Variants in KCNIP1 observed in about 807,000 individuals in gnomAD.
The protein encoded by KCNIP1 is potassium voltage-gated channel interacting protein 1, also known as A-type potassium channel modulatory protein KCNIP1.
In KCNIP1, 18 loss-of-function variants were observed where a neutral mutation model predicts 33.0. That is an observed-to-expected ratio of 0.55 (90% CI 0.38 to 0.81). The LOEUF (loss-of-function observed/expected upper bound fraction) is 0.81, where lower values mean the gene tolerates loss of function less well. Among genes scored for constraint, KCNIP1 ranks in the 30% least tolerant of loss-of-function variants. The pLI is 0.00. For missense variants in KCNIP1, 238 were observed against 271.6 expected (o/e 0.88, Z 0.87); for synonymous variants, 93 against 98.3 (o/e 0.95, Z 0.32).
intron 1 of KCNIP1, among the ~76,000 whole-genome samples, chr5:170,675,202 G>A (rs113071947): frequency 0.016 from 2,493 of 152,118 alleles, 23 homozygotes; most frequent in Middle Eastern, 0.055. Context: ...GGGAGGCTAA[G>A]GTGGGGGGAT....
Position 170,401,534 on chromosome 5 carries a change from C to T in KCNIP1, c.88+47570C>T, listed in dbSNP as rs535882879. Among the ~76,000 whole-genome samples the T allele has an allele frequency of 2.6e-5, 4 of 152,046 alleles. No individual in the cohort carries two copies. In the East Asian group the frequency reaches 5.8e-4, roughly 22 times the overall value. ...ATCCCAGCAGTTTGGGAAGCCAAGA[C>T]GAGAAGATTGCTTGAGCCCAGGAGT... On this transcript the variant is annotated intron_variant, in intron 1 of 7. Coordinates refer to the KCNIP1 transcript ENST00000377360.
chr5:170,537,941 G>A (rs1050294640), intron 1 of KCNIP1, among the ~76,000 whole-genome samples: 2 of 152,306 alleles, frequency 1.3e-5, no homozygotes, highest in East Asian at 1.9e-4. Flanking sequence ...CAACTGTCCC[G>A]TCTGGCCACA....
chr5:170,511,608 G>T (rs1754932294), intron 1 of KCNIP1, among the ~76,000 whole-genome samples: 1 of 152,210 alleles, frequency 6.6e-6, no homozygotes, highest in Non-Finnish European at 1.5e-5. Flanking sequence ...AATAATACTA[G>T]CTCAAATGAC....
intron 1 of KCNIP1, among the ~76,000 whole-genome samples, chr5:170,535,960 G>A (rs748735269): frequency 3.3e-5 from 5 of 152,208 alleles, no homozygotes; most frequent in Non-Finnish European, 5.9e-5. Flanking sequence ...ATGCAGCTCA[G>A]TCTTGCCATC....
chr5:170,656,082 C>T (rs1169051675), intron 1 of KCNIP1, among the ~76,000 whole-genome samples: 1 of 152,122 alleles, frequency 6.6e-6, no homozygotes, highest in East Asian at 1.9e-4. Context: ...CCGCAAGCAG[C>T]GAGAGTAGCA....
chr5:170,729,993 T>C (rs1764140079), intron 5 of KCNIP1, among the ~76,000 whole-genome samples: 1 of 152,052 alleles, frequency 6.6e-6, no homozygotes. Flanking sequence ...TAAAATGAAT[T>C]ACAGTAAATA....
At chr5:170,638,508 A>G (rs768078728) in intron 1 of KCNIP1, among the ~76,000 whole-genome samples, 17 of 152,316 alleles carry the variant, frequency 1.1e-4, no homozygotes, top group South Asian at 1.0e-3. Context: ...CTTGACCGCA[A>G]TGGAATAAGA....
At chr5:170,709,133 G>C (rs1181338694) in intron 1 of KCNIP1, among the ~76,000 whole-genome samples, 1 of 152,116 alleles carries the variant, frequency 6.6e-6, no homozygotes, top group Non-Finnish European at 1.5e-5. Context: ...TGATTGCTGA[G>C]TACAGAGCTC....
At chr5:170,534,471 A>AAGGAGGAGG (rs34048947) in intron 1 of KCNIP1, among the ~76,000 whole-genome samples, 290 of 149,430 alleles carry the variant, frequency 1.9e-3, no homozygotes, top group East Asian at 0.018. Flanking sequence ...GGAGAGGGAG[A>AAGGAGGAGG]AGGAGGAGGA....
At chr5:170,467,553 A>G (rs1032458146) in intron 1 of KCNIP1, among the ~76,000 whole-genome samples, 20 of 152,172 alleles carry the variant, frequency 1.3e-4, no homozygotes, top group Admixed American at 9.2e-4. Context: ...ATCCACGCTC[A>G]GGTTCTTAGA....
chr5:170,574,031 C>T (rs773424844), intron 1 of KCNIP1, among the ~76,000 whole-genome samples: 1 of 152,190 alleles, frequency 6.6e-6, no homozygotes, highest in Non-Finnish European at 1.5e-5. Context: ...GTGGGACCCC[C>T]GATACCCAGA....
intron 5 of KCNIP1, among the ~76,000 whole-genome samples, chr5:170,726,669 G>A (rs1430287561): frequency 6.6e-6 from 1 of 151,018 alleles, no homozygotes; most frequent in African/African-American, 2.4e-5. Context: ...GGAGGCTGAG[G>A]CAGGCGGATC....
intron 1 of KCNIP1, among the ~76,000 whole-genome samples, chr5:170,528,599 C>T (rs1212574493): frequency 3.3e-5 from 5 of 152,186 alleles, no homozygotes; most frequent in Admixed American, 6.5e-5. Context: ...GGGCTTGTGC[C>T]AGGCATATAT....
rs757054451 is a variant in KCNIP1, at chr5:170,722,787, T to C, written c.402T>C (p.Tyr134=). The change falls in exon 5 of 8, where the codon TAT becomes TAC. Residue 134 remains tyrosine (Y), a synonymous_variant. Transcript: ENST00000328939. ...AACTAAGGTGGACATTTAATTTGTATGACATCAACAAGGACGGATACATAA... is the reference window on the plus strand; with the variant it reads ...AACTAAGGTGGACATTTAATTTGTACGACATCAACAAGGACGGATACATAA... The part of the protein sequence containing the change: ...HEKLRWTFNL[Y]DINKDGYINK... The C allele has an allele frequency of 1.2e-6, 2 of 1,613,702 alleles. No individual in the cohort carries two copies. Among genetic ancestry groups the C allele is most frequent in the Admixed American group, 1.7e-5 (1 of 60,008 alleles).
At chr5:170,382,248 A>C (rs1416627153) in intron 1 of KCNIP1, among the ~76,000 whole-genome samples, 1 of 152,152 alleles carries the variant, frequency 6.6e-6, no homozygotes, top group Non-Finnish European at 1.5e-5. Context: ...AATAATTTCC[A>C]ACCTTAGAAT....
chr5:170,426,585 C>T (rs76293139), intron 1 of KCNIP1, among the ~76,000 whole-genome samples: 7,902 of 152,300 alleles, frequency 0.052, 295 homozygotes, highest in East Asian at 0.16. Context: ...AGCTATCAGC[C>T]GCATCTAGCA....
chr5:170,448,704 G>C (rs1171822439), intron 1 of KCNIP1, among the ~76,000 whole-genome samples: 1 of 152,068 alleles, frequency 6.6e-6, no homozygotes, highest in Non-Finnish European at 1.5e-5. Flanking sequence ...ACCCAACAAG[G>C]CCTGTTTCCC....
rs1207752926 is a variant in KCNIP1, at chr5:170,615,038, A to T, written c.62-103720A>T. Reference sequence around the variant, plus strand: ...CAAGGCCAACCTGGCCAAATGGCGAAACCCCATCTTTACTAAAAATACAAA... The same window carrying T: ...CAAGGCCAACCTGGCCAAATGGCGATACCCCATCTTTACTAAAAATACAAA... On this transcript the variant is annotated intron_variant, in intron 1 of 7. Coordinates refer to ENST00000328939, the MANE Select transcript of KCNIP1 (RefSeq NM_014592.4). Among the ~76,000 whole-genome samples, 2 of 152,196 alleles carry T rather than the reference A, an allele frequency of 1.3e-5. 1 individual carries two copies. Among genetic ancestry groups the T allele is most frequent in the Non-Finnish European group, 2.9e-5 (2 of 68,038 alleles).
chr5:170,368,486 A>G (rs1763758002), intron 1 of KCNIP1, among the ~76,000 whole-genome samples: 1 of 152,026 alleles, frequency 6.6e-6, no homozygotes, highest in African/African-American at 2.4e-5. Context: ...GATGGTCTCC[A>G]TCTCCTGACC....
Sources: gnomAD v4.1 joint callset for allele counts (sites outside exome capture counted in the v4.1 genomes callset) on GRCh38, gnomAD v4.1.1 for gene constraint, MANE v1.5 for transcripts, NCBI Gene and HGNC (gene_info 2026-07-23, HGNC 2026-07-21) for gene names.